Variants in PABPC1 observed in about 807,000 individuals in gnomAD.
PABPC1 encodes the protein polyadenylate-binding protein 1.
Under a neutral mutation model 74.0 loss-of-function variants are expected in PABPC1, and 4 were observed. The observed-to-expected ratio is 0.05, with a 90% CI of 0.03 to 0.12. PABPC1 has a LOEUF of 0.12. Ranked by LOEUF, PABPC1 falls within the 10% of genes least tolerant of loss-of-function variation. PABPC1 has a pLI of 1.00. For missense variants in PABPC1, 271 were observed against 821.1 expected, an observed-to-expected ratio of 0.33 and a Z score of 8.19; for synonymous variants, 227 against 264.1, an observed-to-expected ratio of 0.86 and a Z score of 1.36.
At chr8:100,703,670 T>C (rs188305444) in intron 14 of PABPC1, among the ~76,000 whole-genome samples, 255 of 152,250 alleles carry the variant, frequency 1.7e-3, no homozygotes, top group Admixed American at 3.0e-3. Flanking sequence ...TGAAAGACAG[T>C]AGTAGAGACC....
intron 4 of PABPC1, 49 bp from the exon 5 acceptor site, chr8:100,713,230 G>T: frequency 9.3e-7 from 1 of 1,079,434 alleles, no homozygotes; most frequent in Non-Finnish European, 1.3e-6. Flanking sequence ...CAACATTCAC[G>T]TTATACATTT....
intron 4 of PABPC1, 94 bp downstream of exon 4, chr8:100,715,368 T>C (rs1810642452): frequency 1.7e-6 from 2 of 1,145,178 alleles, no homozygotes; most frequent in Non-Finnish European, 2.4e-6. Flanking sequence ...TAAGTCTAAT[T>C]TTATTGACTT....
chr8:100,709,778 A>G, intron 7 of PABPC1, 47 bp from the exon 8 acceptor site: 1 of 1,525,762 alleles, frequency 6.6e-7, no homozygotes, highest in Admixed American at 2.2e-5. Context: ...TAGAATGAGG[A>G]GCAAAAAAAG....
intron 3 of PABPC1, 133 bp from the exon 4 acceptor site, chr8:100,715,734 G>T: frequency 1.7e-5 from 9 of 522,942 alleles, no homozygotes; most frequent in Non-Finnish European, 2.3e-5. Flanking sequence ...CTACAAAATA[G>T]AAATAGGGCC....
chr8:100,709,678 G>C lies in PABPC1; in HGVS notation c.1026C>G (p.Ser342=). The C allele has an allele frequency of 6.2e-7, 1 of 1,613,962 alleles. No homozygotes were observed. The highest frequency in any genetic ancestry group is 8.5e-7 in the Non-Finnish European group (1 of 1,180,020). ...SKGFGFVCFS[S]PEEATKAVTE... is the part of the protein sequence containing the mutation. The stretch of plus-strand genomic sequence containing the variant: ...TAACTGCTTTAGTGGCTTCTTCTGG[G>C]GAGGAGAAACATACAAAACCAAACC... The change falls in exon 8 of 15, where the codon TCC becomes TCG. Residue 342 remains serine, a synonymous_variant. Coordinates refer to ENST00000318607, the MANE Select transcript of PABPC1 (RefSeq NM_002568.4).
chr8:100,703,465 T>C (rs1429653586), intron 14 of PABPC1, 106 bp from the exon 15 acceptor site: 2 of 152,462 alleles, frequency 1.3e-5, no homozygotes, highest in Admixed American at 6.5e-5. Flanking sequence ...ATAGTTTTAC[T>C]GGAACACAGC....
chr8:100,708,420 C>A lies in PABPC1; in HGVS notation c.1336+713G>T, dbSNP rs1445891940. ...GCAGTAAGCCAAGACCATGCCACTG[C>A]ACTCCAGACTAGAAGAAAGAGTGAG... On this transcript the variant is annotated intron_variant, in intron 9 of 14. Coordinates refer to ENST00000318607, the MANE Select transcript of PABPC1 (RefSeq NM_002568.4). Among the ~76,000 whole-genome samples the A allele has an allele frequency of 2.0e-5, 3 of 152,086 alleles. No individual in the cohort carries two copies. The East Asian group carries it at 5.8e-4, about 29-fold the overall frequency.
chr8:100,721,022 C>T lies in PABPC1; in HGVS notation c.193+369G>A, dbSNP rs1283404699. Among the ~76,000 whole-genome samples the T allele has an allele frequency of 6.6e-6, 1 of 151,884 alleles. No homozygotes were observed. The highest frequency in any genetic ancestry group is 1.9e-4 in the East Asian group (1 of 5,178). ...GCTCCGGGTGGTGGGAGCGCCTCCA[C>T]CTCTTACCCACGGAAGGAGCTCAGC... On this transcript the variant is annotated intron_variant, in intron 1 of 14. Coordinates refer to ENST00000318607, the MANE Select transcript of PABPC1 (RefSeq NM_002568.4). This position sits in a 1 kb window ranked among gnomAD's most constrained non-coding sequence, Gnocchi z 7.4.
intron 9 of PABPC1, among the ~76,000 whole-genome samples, chr8:100,707,790 C>T (rs539703803): frequency 4.8e-4 from 73 of 152,242 alleles, no homozygotes; most frequent in Non-Finnish European, 9.3e-4. Context: ...CTCCCTTTCC[C>T]GGTCTGCTAA....
chr8:100,704,342 C>T lies in PABPC1; in HGVS notation c.1867G>A (p.Ala623Thr), dbSNP rs747197951. The T allele has an allele frequency of 1.9e-6, 3 of 1,614,102 alleles. No homozygotes were observed. Among genetic ancestry groups the T allele is most frequent in the East Asian group, 4.5e-5 (2 of 44,874 alleles). ...GTGGCACTGTTAACTGCTTTCTGGG[C>T]AGCCTCTTTAGCTTGGTGGGCTTGT... ...VLQAHQAKEA[A>T]QKAVNSATGV... Residue 623 changes from alanine to threonine, a missense_variant, in exon 14 of 15, where the codon GCC becomes ACC. Ala to Thr is a moderately conservative substitution (Grantham distance 58). This residue lies in a region of PABPC1 where 23 missense variants were observed against 48.1 expected (regional missense o/e 0.48). Coordinates refer to ENST00000318607, the MANE Select transcript of PABPC1 (RefSeq NM_002568.4).
At chr8:100,704,043 A>C (rs1439683842) in intron 14 of PABPC1, 1 of 371,476 alleles carries the variant, frequency 2.7e-6, no homozygotes, top group African/African-American at 2.6e-5. Flanking sequence ...CGACAGAACG[A>C]AACTCCATCT....
In PABPC1 at chr8:100,712,350, A is replaced by G. The variant is rs751403868; in HGVS notation, c.972+12T>C. Reference sequence around the variant, plus strand: ...ACTAGACCTCAAATAAATGAACCATATGTTTTCTTACCTTTGCACTAGTGA... The same window carrying G: ...ACTAGACCTCAAATAAATGAACCATGTGTTTTCTTACCTTTGCACTAGTGA... On this transcript the variant is annotated intron_variant, in intron 7 of 14. Transcript: ENST00000318607. 3 of 1,358,790 alleles carry G rather than the reference A, an allele frequency of 2.2e-6. No homozygotes were observed. In the East Asian group the frequency reaches 6.9e-5, roughly 31 times the overall value. The allele number at this position is 1,358,790 out of a possible 1,614,324, so 84.2% of individuals were successfully genotyped here. A position where few individuals can be genotyped will look rare whatever the true frequency, so the allele number is the denominator to read the frequency against.
intron 3 of PABPC1, among the ~76,000 whole-genome samples, chr8:100,717,275 T>C (rs1459004609): frequency 1.3e-5 from 2 of 152,200 alleles, no homozygotes; most frequent in East Asian, 1.9e-4. Context: ...CCCAAAGTGC[T>C]GGGATTTACA....
At chr8:100,708,757 T>C (rs1189239243) in intron 9 of PABPC1, among the ~76,000 whole-genome samples, 1 of 151,966 alleles carries the variant, frequency 6.6e-6, no homozygotes, top group Non-Finnish European at 1.5e-5. Context: ...GCACCTGTAA[T>C]CCCAGCTACT....
In PABPC1 at chr8:100,715,296, T is replaced by C. The variant is rs558568724; in HGVS notation, c.643+166A>G. ...TCTATTTATTTGCATTATACTACTT[T>C]GTAGTGTAATAGATGGCCAGCAGCT... On this transcript the variant is annotated intron_variant, in intron 4 of 14. Transcript: ENST00000318607. Among the ~76,000 whole-genome samples the C allele has an allele frequency of 5.9e-5, 9 of 152,354 alleles. 1 individual carries two copies. The South Asian group carries it at 1.9e-3, about 32-fold the overall frequency.
intron 9 of PABPC1, 87 bp from the exon 10 acceptor site, chr8:100,707,084 GCAT>G: frequency 2.1e-6 from 2 of 966,474 alleles, no homozygotes; most frequent in Non-Finnish European, 3.1e-6. Context: ...TCTGAGGTTT[GCAT>G]AAAAGACTAA....
In PABPC1 at chr8:100,721,185, G is replaced by A. The variant is rs990118563; in HGVS notation, c.193+206C>T. ...GAAAATGGTCGCAAAGGAGGAAGTA[G>A]CCGGGCGTGTGGCTGCCGGCAGCGC... On this transcript the variant is annotated intron_variant, in intron 1 of 14. Transcript: ENST00000318607. This position sits in a 1 kb window ranked among gnomAD's most constrained non-coding sequence, Gnocchi z 7.4. Among the ~76,000 whole-genome samples the A allele has an allele frequency of 5.9e-5, 9 of 152,070 alleles. No homozygotes were observed. Among genetic ancestry groups the A allele is most frequent in the African/African-American group, 2.2e-4 (9 of 41,456 alleles).
chr8:100,717,103 C>T (rs1200092404), intron 3 of PABPC1, among the ~76,000 whole-genome samples: 3 of 152,088 alleles, frequency 2.0e-5, no homozygotes, highest in Admixed American at 2.0e-4. Context: ...CTCCGCCTCC[C>T]GGGTTTAAGT....
intron 9 of PABPC1, among the ~76,000 whole-genome samples, chr8:100,708,776 T>C (rs904851462): frequency 2.0e-5 from 3 of 151,944 alleles, no homozygotes; most frequent in Admixed American, 6.6e-5. Flanking sequence ...CTCCAGAGGC[T>C]GAGGCAGGGA....
Sources: allele counts gnomAD v4.1 joint callset (sites outside exome capture counted in the v4.1 genomes callset), GRCh38; gene constraint gnomAD v4.1.1; regional missense constraint gnomAD v4.1.1; non-coding constraint Gnocchi (gnomAD v3.1); transcripts MANE v1.5; gene names NCBI Gene and HGNC (gene_info 2026-07-23, HGNC 2026-07-21).